The following GABRB2 variants were observed in gnomAD, a reference collection of about 807,000 sequenced individuals.
GABRB2 encodes the protein gamma-aminobutyric acid receptor subunit beta-2.
In GABRB2, 16 loss-of-function variants were observed where a neutral mutation model predicts 54.7. The ratio of observed to expected loss-of-function variants is 0.29; its 90% CI spans 0.20 to 0.44. The LOEUF is 0.44. GABRB2 is among the 20% of genes least tolerant of loss of function. GABRB2 has a pLI of 1.00. For synonymous variants in GABRB2, 244 were observed against 233.8 expected, an observed-to-expected ratio of 1.04 and a Z score of -0.40; for missense variants, 355 against 644.0, an observed-to-expected ratio of 0.55 and a Z score of 4.86.
In GABRB2 at chr5:161,356,716, A is replaced by G. The variant is rs550080271; in HGVS notation, c.542-19947T>C. Among the ~76,000 whole-genome samples the G allele has an allele frequency of 1.2e-4, 18 of 152,222 alleles. No individual in the cohort carries two copies. The South Asian group carries it at 3.7e-3, about 32-fold the overall frequency. On this transcript the variant is annotated intron_variant, in intron 5 of 9. Transcript: ENST00000393959. ...ACAATGAATCGCAGGTGCCATGGAA[A>G]ACGTGCACAGGGCTCCTGAGCAAAC...
At chr5:161,333,008 T>C (rs550293876) in intron 7 of GABRB2, among the ~76,000 whole-genome samples, 1 of 152,182 alleles carries the variant, frequency 6.6e-6, no homozygotes, top group Non-Finnish European at 1.5e-5. Flanking sequence ...CTACGGATGA[T>C]CCTGTATCAT....
intron 9 of GABRB2, among the ~76,000 whole-genome samples, chr5:161,313,926 G>C (rs153296): frequency 0.84 from 127,340 of 152,240 alleles, 53,752 homozygotes; most frequent in African/African-American, 0.95. Flanking sequence ...TCTCCAAGAG[G>C]ATTAGTTTAA....
chr5:161,399,407 A>G (rs1429451341), intron 5 of GABRB2, among the ~76,000 whole-genome samples: 1 of 152,100 alleles, frequency 6.6e-6, no homozygotes, highest in Non-Finnish European at 1.5e-5. Context: ...GGGGACTTGA[A>G]TTCAGGACTG....
intron 3 of GABRB2, among the ~76,000 whole-genome samples, chr5:161,530,360 T>C (rs2113452710): frequency 6.6e-6 from 1 of 152,254 alleles, no homozygotes; most frequent in South Asian, 2.1e-4. Context: ...TGGTGATAAT[T>C]ATCAGAGCTG....
intron 9 of GABRB2, among the ~76,000 whole-genome samples, chr5:161,299,580 A>G (rs150198780): frequency 9.1e-4 from 139 of 152,288 alleles, no homozygotes; most frequent in African/African-American, 2.9e-3. Flanking sequence ...GCTGATGCTA[A>G]GCAAGACAGT....
At chr5:161,442,912 G>T (rs1757508403) in intron 4 of GABRB2, among the ~76,000 whole-genome samples, 1 of 151,958 alleles carries the variant, frequency 6.6e-6, no homozygotes, top group African/African-American at 2.4e-5. Flanking sequence ...ACAGAGCAGT[G>T]GGAAAAATAA....
chr5:161,353,069 A>G (rs1191282592), intron 5 of GABRB2, among the ~76,000 whole-genome samples: 1 of 152,102 alleles, frequency 6.6e-6, no homozygotes, highest in Non-Finnish European at 1.5e-5. Context: ...CACTGTCTTA[A>G]TGATTACTGG....
In GABRB2 at chr5:161,302,103, C is replaced by T. The variant is rs17059247; in HGVS notation, c.1192-7675G>A. Among the ~76,000 whole-genome samples the T allele has an allele frequency of 6.3e-3, 957 of 152,322 alleles. 21 individuals carry two copies. In the East Asian group the frequency reaches 0.076, roughly 12 times the overall value. On this transcript the variant is annotated intron_variant, in intron 9 of 9. Coordinates refer to ENST00000393959, the MANE Select transcript of GABRB2 (RefSeq NM_001371727.1). Reference sequence around the variant, plus strand: ...TGAATGAGGGCAGTTTGTATAGCAACTGAATCAGCTGTTCTGTTGGTTGAA... The same window carrying T: ...TGAATGAGGGCAGTTTGTATAGCAATTGAATCAGCTGTTCTGTTGGTTGAA...
chr5:161,310,486 T>C (rs1561602692), intron 9 of GABRB2, among the ~76,000 whole-genome samples: 2 of 152,000 alleles, frequency 1.3e-5, no homozygotes, highest in African/African-American at 4.8e-5. Context: ...GCTTGCTTGT[T>C]TCTCTCTCTC....
chr5:161,427,333 G>A (rs1377314804), intron 4 of GABRB2, among the ~76,000 whole-genome samples: 1 of 152,142 alleles, frequency 6.6e-6, no homozygotes, highest in Non-Finnish European at 1.5e-5. Flanking sequence ...AAATGACTTG[G>A]AGGATTTGGG....
At chr5:161,391,869 G>A (rs751042368) in intron 5 of GABRB2, among the ~76,000 whole-genome samples, 17 of 152,112 alleles carry the variant, frequency 1.1e-4, no homozygotes, top group Non-Finnish European at 2.2e-4. Flanking sequence ...GATCTAAGAA[G>A]GGACTGACTC....
intron 9 of GABRB2, among the ~76,000 whole-genome samples, chr5:161,306,012 G>C (rs1192751739): frequency 6.6e-6 from 1 of 152,218 alleles, no homozygotes; most frequent in Non-Finnish European, 1.5e-5. Flanking sequence ...AGTGGATCAT[G>C]TTAAGTTTCA....
chr5:161,356,210 T>G (rs942557576), intron 5 of GABRB2, among the ~76,000 whole-genome samples: 1 of 152,188 alleles, frequency 6.6e-6, no homozygotes, highest in Non-Finnish European at 1.5e-5. Context: ...TTGAATACGC[T>G]AATTAGACAA....
rs903251348 is a variant in GABRB2 at position 161,352,208 on chromosome 5, A to T, written c.542-15439T>A. Among the ~76,000 whole-genome samples the T allele has an allele frequency of 3.4e-4, 51 of 152,096 alleles. 1 individual carries two copies. The highest frequency in any genetic ancestry group is 1.2e-3 in the African/African-American group (49 of 41,448). ...CCAGCGATTGCACTACTGGGTATAT[A>T]TACAAAGGAATTGAAATTAGTATGA... On this transcript the variant is annotated intron_variant, in intron 5 of 9. Coordinates refer to ENST00000393959, the MANE Select transcript of GABRB2 (RefSeq NM_001371727.1).
chr5:161,372,205 C>CATTTTATATA (rs1336626349), intron 5 of GABRB2, among the ~76,000 whole-genome samples: 1 of 152,110 alleles, frequency 6.6e-6, no homozygotes, highest in Non-Finnish European at 1.5e-5. Context: ...TTCAGGTCCT[C>CATTTTATATA]ATTTTATATA....
At chr5:161,372,944 G>T (rs1183679404) in intron 5 of GABRB2, among the ~76,000 whole-genome samples, 1 of 152,150 alleles carries the variant, frequency 6.6e-6, no homozygotes, top group Non-Finnish European at 1.5e-5. Context: ...GGAATAAGTA[G>T]CTCCCAGCAT....
intron 5 of GABRB2, among the ~76,000 whole-genome samples, chr5:161,373,325 A>G (rs1755185844): frequency 6.6e-6 from 1 of 152,182 alleles, no homozygotes; most frequent in Non-Finnish European, 1.5e-5. Flanking sequence ...TCAAACAGAC[A>G]ATGTATTTCA....
intron 5 of GABRB2, among the ~76,000 whole-genome samples, chr5:161,354,161 C>A (rs1754548597): frequency 6.6e-6 from 1 of 151,964 alleles, no homozygotes; most frequent in Non-Finnish European, 1.5e-5. Flanking sequence ...GCTAAATATG[C>A]CTAGTCCTGG....
At chr5:161,311,738 T>A (rs903931133) in intron 9 of GABRB2, among the ~76,000 whole-genome samples, 7 of 152,198 alleles carry the variant, frequency 4.6e-5, no homozygotes, top group African/African-American at 1.7e-4. Context: ...CTCTGGGAAG[T>A]TTTTTAAAAA....
Sources: gnomAD v4.1 joint callset for allele counts (sites outside exome capture counted in the v4.1 genomes callset) on GRCh38, gnomAD v4.1.1 for gene constraint, MANE v1.5 for transcripts, NCBI Gene and HGNC (gene_info 2026-07-23, HGNC 2026-07-21) for gene names.